Variants in DYRK1A observed in about 807,000 individuals in gnomAD.
DYRK1A encodes the protein dual specificity tyrosine-phosphorylation-regulated kinase 1A.
A neutral mutation model predicts 79.7 loss-of-function variants in DYRK1A; 9 were observed. That is an observed-to-expected ratio of 0.11 (90% CI 0.07 to 0.20). The LOEUF is 0.20. Among genes scored for constraint, DYRK1A ranks in the 10% least tolerant of loss-of-function variants. The pLI is 1.00. For synonymous variants in DYRK1A, 349 were observed against 329.7 expected (o/e 1.06, Z -0.63); for missense variants, 622 against 956.0 (o/e 0.65, Z 4.61).
chr21:37,434,455 C>A (rs2050866293), intron 2 of DYRK1A, among the ~76,000 whole-genome samples: 1 of 152,180 alleles, frequency 6.6e-6, no homozygotes, highest in Non-Finnish European at 1.5e-5. Flanking sequence ...TAAAGAAACT[C>A]TCAACCACTC....
intron 5 of DYRK1A, 55 bp from the exon 6 acceptor site, chr21:37,486,409 AATT>A (rs1330942789): frequency 2.0e-5 from 26 of 1,286,036 alleles, no homozygotes; most frequent in African/African-American, 1.5e-5. Context: ...GTGAATTATA[AATT>A]ATTGTGAAAT....
At chr21:37,439,798 A>G (rs2051036824) in intron 2 of DYRK1A, among the ~76,000 whole-genome samples, 1 of 152,178 alleles carries the variant, frequency 6.6e-6, no homozygotes, top group Admixed American at 6.5e-5. Context: ...AGTTTGTTTT[A>G]GGTCAAGTAT....
chr21:37,496,686 G>C (rs1221106566), intron 9 of DYRK1A, among the ~76,000 whole-genome samples: 1 of 151,810 alleles, frequency 6.6e-6, no homozygotes, highest in Non-Finnish European at 1.5e-5. Flanking sequence ...TATGTCAGAA[G>C]ATGATTTTTG....
At chr21:37,417,094 T>TA (rs1238360384) in intron 1 of DYRK1A, among the ~76,000 whole-genome samples, 1 of 152,206 alleles carries the variant, frequency 6.6e-6, no homozygotes, top group African/African-American at 2.4e-5. Flanking sequence ...ACCTGCCATT[T>TA]AGTTTATTAG....
intron 1 of DYRK1A, among the ~76,000 whole-genome samples, chr21:37,412,990 C>T (rs951143406): frequency 6.6e-6 from 1 of 152,104 alleles, no homozygotes; most frequent in Non-Finnish European, 1.5e-5. Context: ...GTGAAGCGGT[C>T]AGGGGATAGA....
chr21:37,412,021 G>A (rs570998259), intron 1 of DYRK1A, among the ~76,000 whole-genome samples: 2 of 152,102 alleles, frequency 1.3e-5, no homozygotes, highest in Non-Finnish European at 1.5e-5. Flanking sequence ...TTTTCACCAA[G>A]TAGTAGATAA....
intron 1 of DYRK1A, among the ~76,000 whole-genome samples, chr21:37,386,298 C>T (rs929970802): frequency 6.6e-6 from 1 of 152,170 alleles, no homozygotes; most frequent in Non-Finnish European, 1.5e-5. Flanking sequence ...AACCATCTCT[C>T]CACCCCCAAC....
chr21:37,454,506 A>G (rs1469963028), intron 2 of DYRK1A, among the ~76,000 whole-genome samples: 1 of 152,186 alleles, frequency 6.6e-6, no homozygotes, highest in Admixed American at 6.5e-5. Flanking sequence ...ATGAGTCTAA[A>G]AAGTGAAGCA....
At chr21:37,507,189 C>G (rs2053622043) in intron 11 of DYRK1A, among the ~76,000 whole-genome samples, 1 of 152,200 alleles carries the variant, frequency 6.6e-6, no homozygotes, top group Non-Finnish European at 1.5e-5. Flanking sequence ...GCACTGTCCA[C>G]TTCTCCTCTA....
At chr21:37,419,804 CT>C (rs1381295913) in intron 1 of DYRK1A, 1 of 152,104 alleles carries the variant, frequency 6.6e-6, no homozygotes, top group African/African-American at 2.4e-5. Context: ...GGCTTGTGGA[CT>C]TGGGGGAGCG....
intron 1 of DYRK1A, among the ~76,000 whole-genome samples, chr21:37,370,814 A>G (rs1947433112): frequency 6.6e-6 from 1 of 152,202 alleles, no homozygotes; most frequent in Non-Finnish European, 1.5e-5. Flanking sequence ...TTTTCGATTT[A>G]GAAGTAAAGA....
chr21:37,424,493 T>C (rs2050564156), intron 2 of DYRK1A, among the ~76,000 whole-genome samples: 1 of 152,154 alleles, frequency 6.6e-6, no homozygotes, highest in South Asian at 2.1e-4. Flanking sequence ...GAGGTCATTT[T>C]GAATATTCAG....
chr21:37,375,519 C>CTTTTTTTTTTTTTTT (rs58948987), intron 1 of DYRK1A, among the ~76,000 whole-genome samples: 1 of 81,458 alleles, frequency 1.2e-5, no homozygotes, highest in Non-Finnish European at 2.3e-5. Context: ...AGGAATATTA[C>CTTTTTTTTTTTTTTT]TTTTTTTTTT....
intron 1 of DYRK1A, among the ~76,000 whole-genome samples, chr21:37,388,494 A>G (rs966260784): frequency 1.3e-5 from 2 of 152,154 alleles, no homozygotes; most frequent in African/African-American, 4.8e-5. Flanking sequence ...CCTTTGTCAT[A>G]CCTTTAAAAG....
intron 2 of DYRK1A, among the ~76,000 whole-genome samples, chr21:37,435,232 A>C (rs919179866): frequency 6.6e-6 from 1 of 152,216 alleles, no homozygotes; most frequent in African/African-American, 2.4e-5. Context: ...GGCAACTAAA[A>C]TAGGCTATTT....
chr21:37,376,952 A>G (rs1046917014), intron 1 of DYRK1A, among the ~76,000 whole-genome samples: 4 of 152,170 alleles, frequency 2.6e-5, no homozygotes, highest in Non-Finnish European at 5.9e-5. Flanking sequence ...AATTATATAT[A>G]TTATACTTTT....
intron 1 of DYRK1A, among the ~76,000 whole-genome samples, chr21:37,375,612 G>A (rs2148360436): frequency 7.5e-6 from 1 of 132,538 alleles, no homozygotes; most frequent in African/African-American, 2.8e-5. Context: ...TGCAACCTCC[G>A]CCTTCCGGGT....
rs1417042028 is a variant in DYRK1A, at chr21:37,519,702, A to G, written c.*7171A>G. 6.8e-6 allele frequency: 1 copy of G among 145,986 alleles called. No individual in the cohort carries two copies. Among genetic ancestry groups the G allele is most frequent in the East Asian group, 2.0e-4 (1 of 4,998 alleles). The allele number at this position is 145,986 out of a possible 1,614,324, so 9.0% of individuals were successfully genotyped here. A position where few individuals can be genotyped will look rare whatever the true frequency, so the allele number is the denominator to read the frequency against. The stretch of plus-strand genomic sequence containing the variant: ...GTTTTGCATACCGCACAGTCCCTGC[A>G]TCTATTTAAGAGTTTTGAGGTTTGT... On this transcript the variant is annotated 3_prime_UTR_variant, in exon 12 of 12. Coordinates refer to ENST00000647188, the MANE Select transcript of DYRK1A (RefSeq NM_001347721.2).
Position 37,490,353 on chromosome 21 carries a change from T to A in DYRK1A, c.816T>A (p.Leu272=), listed in dbSNP as rs537163064. The A allele has an allele frequency of 4.3e-6, 7 of 1,613,754 alleles. No individual in the cohort carries two copies. In the South Asian group the frequency reaches 6.6e-5, roughly 15 times the overall value. The change falls in exon 7 of 12, where the codon CTT becomes CTA. Residue 272 remains leucine, a synonymous_variant. Transcript: ENST00000647188. ...TGCTTTTCCTTGCGACTCCAGAACT[T>A]AGTATCATTCACTGTGATCTAAAAC... is the stretch of plus-strand genomic sequence containing the variant. ...TALLFLATPE[L]SIIHCDLKPE...
Sources: gnomAD v4.1 joint callset for allele counts (sites outside exome capture counted in the v4.1 genomes callset) on GRCh38, gnomAD v4.1.1 for gene constraint, MANE v1.5 for transcripts, NCBI Gene and HGNC (gene_info 2026-07-23, HGNC 2026-07-21) for gene names.